Variants in GMEB1 observed in about 807,000 individuals in gnomAD.
GMEB1 encodes glucocorticoid modulatory element-binding protein 1.
GMEB1 carries 6 observed loss-of-function variants against 52.4 expected under a neutral mutation model. That is an observed-to-expected ratio of 0.11 (90% CI 0.06 to 0.23). The LOEUF (loss-of-function observed/expected upper bound fraction) is 0.23, where lower values mean the gene tolerates loss of function less well. Among genes scored for constraint, GMEB1 ranks in the 10% least tolerant of loss-of-function variants. The pLI is 1.00. For synonymous variants in GMEB1, 255 were observed against 244.9 expected, an observed-to-expected ratio of 1.04 and a Z score of -0.38; for missense variants, 486 against 685.6, an observed-to-expected ratio of 0.71 and a Z score of 3.25.
chr1:28,687,180 T>C (rs1016415492), intron 2 of GMEB1, among the ~76,000 whole-genome samples: 11 of 150,956 alleles, frequency 7.3e-5, no homozygotes, highest in African/African-American at 2.2e-4. Flanking sequence ...TATAAAAAAA[T>C]AGAAAAATTA....
intron 6 of GMEB1, among the ~76,000 whole-genome samples, chr1:28,701,266 G>GTTTTTT (rs1557515961): frequency 1.0e-4 from 9 of 87,590 alleles, no homozygotes; most frequent in South Asian, 1.0e-3. Flanking sequence ...TTTAAAAGCT[G>GTTTTTT]TCTTTTTTTT....
chr1:28,714,962 C>T lies in GMEB1; in HGVS notation c.*189C>T. 1 of 573,314 alleles carries T rather than the reference C, an allele frequency of 1.7e-6. No homozygotes were observed. The highest frequency in any genetic ancestry group is 3.1e-6 in the Non-Finnish European group (1 of 324,188). The allele number at this position is 573,314 out of a possible 1,614,324, so 35.5% of individuals were successfully genotyped here. ...TTGAAAAATGGACAAAACAAGCTGC[C>T]CTTCCAGAAGTTGAGAGTAGGTCAT... On this transcript the variant is annotated 3_prime_UTR_variant, in exon 10 of 10. Transcript: ENST00000373816.
At position 28,704,177 on chromosome 1, in the gene GMEB1, T is replaced by C. The variant is rs1670642008; in HGVS notation, c.731-15T>C. ...TGTCTCTTTTTTACCCTCTGTCTTATCCTTCTTGTGCCAGAGGACACTTTG... is the reference window on the plus strand; with the variant it reads ...TGTCTCTTTTTTACCCTCTGTCTTACCCTTCTTGTGCCAGAGGACACTTTG... On this transcript the variant is annotated splice_polypyrimidine_tract_variant and intron_variant, in intron 7 of 9. Coordinates refer to ENST00000373816, the MANE Select transcript of GMEB1 (RefSeq NM_001319674.2). 1 of 1,607,280 alleles carries C rather than the reference T, an allele frequency of 6.2e-7. No homozygotes were observed.
intron 2 of GMEB1, among the ~76,000 whole-genome samples, chr1:28,684,361 A>G (rs1669535079): frequency 6.6e-6 from 1 of 152,054 alleles, no homozygotes; most frequent in African/African-American, 2.4e-5. Flanking sequence ...CAGGAGATCA[A>G]GACCATCCTG....
Position 28,704,220 on chromosome 1 carries a change from A to G in GMEB1, c.759A>G (p.Ile253Met). The G allele has an allele frequency of 6.2e-7, 1 of 1,613,278 alleles. No homozygotes were observed. Among genetic ancestry groups the G allele is most frequent in the Non-Finnish European group, 8.5e-7 (1 of 1,179,572 alleles). Residue 253 changes from isoleucine to methionine, a missense_variant, in exon 8 of 10, where the codon ATA becomes ATG. By Grantham distance (10) the Ile-to-Met change is conservative. Transcript: ENST00000373816. Reference protein sequence around the residue: ...SEDTLMFWKGIADVGLMEEVV... With the variant: ...SEDTLMFWKGMADVGLMEEVV... ...ACACTTTGATGTTCTGGAAAGGAAT[A>G]GCTGATGTAGGGCTGATGGAAGAGG...
chr1:28,670,904 C>T (rs1428853121), intron 1 of GMEB1, among the ~76,000 whole-genome samples: 1 of 152,148 alleles, frequency 6.6e-6, no homozygotes, highest in East Asian at 1.9e-4. Context: ...GTATAGGTAG[C>T]TTCTACTCAG....
intron 8 of GMEB1, among the ~76,000 whole-genome samples, chr1:28,705,800 C>T (rs1217154857): frequency 6.6e-6 from 1 of 151,722 alleles, no homozygotes; most frequent in Admixed American, 6.6e-5. Context: ...GTGGTATGTC[C>T]ACTATGTGTA....
chr1:28,680,445 A>C (rs896739109), intron 1 of GMEB1, among the ~76,000 whole-genome samples: 1 of 151,968 alleles, frequency 6.6e-6, no homozygotes, highest in Non-Finnish European at 1.5e-5. Context: ...TGAATAAGAA[A>C]AGCAATCCTG....
rs899698075 is a variant in GMEB1, at chr1:28,678,365, G to T, written c.-30-5218G>T. Among the ~76,000 whole-genome samples the T allele has an allele frequency of 9.9e-5, 15 of 152,108 alleles. 1 individual carries two copies. Among genetic ancestry groups the T allele is most frequent in the Admixed American group, 7.2e-4 (11 of 15,258 alleles). The stretch of plus-strand genomic sequence containing the variant: ...CTCGCTCTGTCGCCCAGGCTGGAGT[G>T]CAGTGGCGCAATCTTGGCTCACTGC... On this transcript the variant is annotated intron_variant, in intron 1 of 9. Transcript: ENST00000373816.
chr1:28,671,819 A>G (rs1668897744), intron 1 of GMEB1, among the ~76,000 whole-genome samples: 1 of 152,014 alleles, frequency 6.6e-6, no homozygotes, highest in African/African-American at 2.4e-5. Context: ...AGAGTGTGGA[A>G]TAAATAAATA....
At chr1:28,675,406 G>A (rs1669103932) in intron 1 of GMEB1, among the ~76,000 whole-genome samples, 1 of 151,780 alleles carries the variant, frequency 6.6e-6, no homozygotes, top group Non-Finnish European at 1.5e-5. Context: ...AGATCGGCCG[G>A]GGTGGCTCAC....
At position 28,714,315 on chromosome 1, in the gene GMEB1, A is replaced by C. The variant is rs776467633; in HGVS notation, c.1234A>C (p.Ile412Leu). The C allele has an allele frequency of 6.2e-7, 1 of 1,614,140 alleles. No individual in the cohort carries two copies. The highest frequency in any genetic ancestry group is 8.5e-7 in the Non-Finnish European group (1 of 1,180,008). ...PVGQSFSMGN[I>L]PVATLSQGSS... is the part of the protein sequence containing the mutation. ...GGGTCAGTCATTTTCCATGGGCAAT[A>C]TTCCAGTGGCCACCCTCAGCCAGGG... Residue 412 changes from isoleucine (I) to leucine (L), a missense_variant, in exon 10 of 10, where the codon ATT becomes CTT. Around this residue, in one of 5 missense-constraint regions of GMEB1, gnomAD observed 153 missense variants for 200.8 expected, o/e 0.76. Coordinates refer to ENST00000373816, the MANE Select transcript of GMEB1 (RefSeq NM_001319674.2).
In GMEB1 at chr1:28,697,076, C is replaced by T. The variant is rs751458605; in HGVS notation, c.590C>T (p.Ser197Leu). The T allele has an allele frequency of 2.9e-5, 46 of 1,599,652 alleles. No homozygotes were observed. In the Admixed American group the frequency reaches 3.4e-4, roughly 12 times the overall value. The change falls in exon 6 of 10, where the codon TCG becomes TTG. Residue 197 changes from serine (S) to leucine (L), a missense_variant. Ser to Leu is a moderately radical substitution (Grantham distance 145, BLOSUM62 -2). This residue lies in a region of GMEB1 where 200 missense variants were observed against 253.5 expected (regional missense o/e 0.79). Transcript: ENST00000373816. ...QQTSVVQTPT[S>L]ADGSITQIAI... ...ACAAGTGTGGTGCAGACACCCACTT[C>T]GGCTGATGGTAGGGGGTAGGAAACC...
chr1:28,714,868 T>C lies in GMEB1; in HGVS notation c.*95T>C. 1 of 806,602 alleles carries C rather than the reference T, an allele frequency of 1.2e-6. No homozygotes were observed. The highest frequency in any genetic ancestry group is 1.9e-6 in the Non-Finnish European group (1 of 522,410). The allele number at this position is 806,602 out of a possible 1,614,324, so 50.0% of individuals were successfully genotyped here. ...TCCCACTCATTTCCACATAGGACCCTTTTTTAAAAAAAAAAAAACAAAATC... is the reference window on the plus strand; with the variant it reads ...TCCCACTCATTTCCACATAGGACCCCTTTTTAAAAAAAAAAAAACAAAATC... On this transcript the variant is annotated 3_prime_UTR_variant, in exon 10 of 10. Transcript: ENST00000373816.
intron 9 of GMEB1, among the ~76,000 whole-genome samples, 154 bp from the exon 10 acceptor site, chr1:28,713,919 C>T (rs934790870): frequency 1.3e-5 from 2 of 152,078 alleles, no homozygotes; most frequent in South Asian, 2.1e-4. Context: ...AGACTCTGCC[C>T]CCCAAATAAG....
intron 5 of GMEB1, among the ~76,000 whole-genome samples, chr1:28,696,560 G>A (rs1434366325): frequency 1.3e-5 from 2 of 152,010 alleles, no homozygotes; most frequent in African/African-American, 4.8e-5. Flanking sequence ...GTCCTATAAC[G>A]TTTTGTGGAT....
At chr1:28,713,515 A>G (rs1306520192) in intron 9 of GMEB1, among the ~76,000 whole-genome samples, 3 of 152,228 alleles carry the variant, frequency 2.0e-5, no homozygotes, top group Non-Finnish European at 4.4e-5. Context: ...ATCCCTGTCA[A>G]AATGAATTTG....
intron 5 of GMEB1, among the ~76,000 whole-genome samples, chr1:28,695,922 G>C (rs1306596663): frequency 5.4e-5 from 5 of 91,938 alleles, no homozygotes; most frequent in Non-Finnish European, 9.5e-5. Context: ...CTGGGCGACA[G>C]AGCGAGACTC....
chr1:28,678,427 A>T (rs1570383897), intron 1 of GMEB1, among the ~76,000 whole-genome samples: 1 of 151,052 alleles, frequency 6.6e-6, no homozygotes, highest in South Asian at 2.1e-4. Context: ...CTCCTGCCTC[A>T]GCCTCCCGAG....
Sources: allele counts gnomAD v4.1 joint callset (sites outside exome capture counted in the v4.1 genomes callset), GRCh38; gene constraint gnomAD v4.1.1; regional missense constraint gnomAD v4.1.1; transcripts MANE v1.5; gene names NCBI Gene and HGNC (gene_info 2026-07-23, HGNC 2026-07-21).